The following MYO18B variants were observed in gnomAD, a reference collection of about 807,000 sequenced individuals.
MYO18B encodes unconventional myosin-XVIIIb.
A neutral mutation model predicts 273.0 loss-of-function variants in MYO18B; 204 were observed. The ratio of observed to expected loss-of-function variants is 0.75; its 90% confidence interval spans 0.67 to 0.84. MYO18B has a LOEUF of 0.84. MYO18B is among the 40% of genes least tolerant of loss of function. The pLI is 0.00. For synonymous variants in MYO18B, 1,330 were observed against 1,305.7 expected (o/e 1.02, Z -0.40); for missense variants, 3,212 against 3,287.6 (o/e 0.98, Z 0.56).
intron 42 of MYO18B, among the ~76,000 whole-genome samples, chr22:26,008,635 GAGACGA>G (rs1247751938): frequency 1.3e-5 from 2 of 152,206 alleles, no homozygotes; most frequent in African/African-American, 4.8e-5. Context: ...AGCGCTTCTG[GAGACGA>G]AGACACTAAA....
At chr22:25,950,319 T>C (rs1367441867) in intron 36 of MYO18B, 48 bp from the exon 37 acceptor site, 1 of 1,500,030 alleles carries the variant, frequency 6.7e-7, no homozygotes, top group Non-Finnish European at 9.0e-7. Flanking sequence ...CCAGCAAGGC[T>C]TGTGGACTCA....
chr22:25,747,919 A>G (rs1031624467), intron 1 of MYO18B, among the ~76,000 whole-genome samples: 3 of 152,192 alleles, frequency 2.0e-5, no homozygotes, highest in African/African-American at 7.2e-5. Flanking sequence ...GAGGTTTGAC[A>G]ACAGGCATAG....
chr22:25,836,185 T>C lies in MYO18B; in HGVS notation c.3208+742T>C, dbSNP rs2089894600. On this transcript the variant is annotated intron_variant, in intron 17 of 43. Coordinates refer to ENST00000335473, the MANE Select transcript of MYO18B (RefSeq NM_032608.7). The stretch of plus-strand genomic sequence containing the variant: ...AACAAAGTGATCATGAGATTTGGTA[T>C]CCATGGGCTCCAAGTTGAAGTCCAG... Among the ~76,000 whole-genome samples, 5 of 152,284 alleles carry C rather than the reference T, an allele frequency of 3.3e-5. No individual in the cohort carries two copies. In the South Asian group the frequency reaches 1.0e-3, roughly 32 times the overall value.
chr22:25,846,415 C>T (rs2090248175), intron 19 of MYO18B, 132 bp downstream of exon 19: 2 of 989,846 alleles, frequency 2.0e-6, no homozygotes, highest in Non-Finnish European at 1.5e-6. Flanking sequence ...TCACCCCACG[C>T]TCCACAGAGG....
rs768590809 is a variant in MYO18B, at chr22:26,026,768, G to C, written c.6794G>C (p.Gly2265Ala). ...CTCCGGAGGAAGAGAGCCCAGAGAG[G>C]CCAGGGGTCCACGCTGGGCCTAGAG... ...EGLRRKRAQR[G>A]QGSTLGLEDW... Residue 2265 changes from glycine (G) to alanine (A), a missense_variant, in exon 43 of 44, where the codon GGC (glycine) becomes GCC (alanine). By Grantham distance (60) the Gly-to-Ala change is moderately conservative. Transcript: ENST00000335473. 7 of 1,610,666 alleles carry C rather than the reference G, an allele frequency of 4.3e-6. No homozygotes were observed. In the South Asian group the frequency reaches 6.6e-5, roughly 15 times the overall value.
intron 18 of MYO18B, among the ~76,000 whole-genome samples, chr22:25,845,617 G>T (rs1246135115): frequency 2.0e-5 from 3 of 152,248 alleles, no homozygotes; most frequent in Admixed American, 2.0e-4. Flanking sequence ...GGCACTGTCT[G>T]CTCAGGTATC....
At chr22:25,789,410 C>T (rs948102248) in intron 11 of MYO18B, among the ~76,000 whole-genome samples, 5 of 151,518 alleles carry the variant, frequency 3.3e-5, no homozygotes, top group East Asian at 3.9e-4. Flanking sequence ...CTGAGGCGGG[C>T]GGATCACCTG....
intron 34 of MYO18B, among the ~76,000 whole-genome samples, chr22:25,933,271 G>A (rs1325679422): frequency 1.3e-5 from 2 of 152,168 alleles, no homozygotes; most frequent in Non-Finnish European, 2.9e-5. Context: ...CAAAAGGGAT[G>A]AGCTTGTCAT....
At chr22:25,836,725 C>G (rs1422842828) in intron 17 of MYO18B, among the ~76,000 whole-genome samples, 2 of 151,994 alleles carry the variant, frequency 1.3e-5, no homozygotes, top group East Asian at 3.9e-4. Context: ...CTTTGGGAGG[C>G]CGAGGTGGGT....
intron 34 of MYO18B, among the ~76,000 whole-genome samples, chr22:25,935,457 G>A (rs28707496): frequency 6.6e-6 from 1 of 152,136 alleles, no homozygotes; most frequent in Non-Finnish European, 1.5e-5. Flanking sequence ...TGTCTGCTCT[G>A]GAGGAGAAAT....
intron 10 of MYO18B, 65 bp downstream of exon 10, chr22:25,781,899 G>C (rs1268501288): frequency 1.7e-6 from 2 of 1,166,708 alleles, no homozygotes; most frequent in South Asian, 2.1e-5. Flanking sequence ...GTTCTTTGGG[G>C]GCCCAGCCTT....
At chr22:25,856,506 G>T (rs189465069) in intron 21 of MYO18B, among the ~76,000 whole-genome samples, 157 of 152,326 alleles carry the variant, frequency 1.0e-3, no homozygotes, top group Middle Eastern at 3.4e-3. Flanking sequence ...CTGGCTTTGG[G>T]ACACCCCAGG....
At chr22:25,824,498 G>C (rs1383551007) in intron 13 of MYO18B, among the ~76,000 whole-genome samples, 2 of 152,158 alleles carry the variant, frequency 1.3e-5, no homozygotes, top group Non-Finnish European at 2.9e-5. Flanking sequence ...GTGATCTGCT[G>C]GGTCCCAAGT....
intron 16 of MYO18B, 138 bp from the exon 17 acceptor site, chr22:25,835,158 A>G (rs2089851297): frequency 9.9e-7 from 1 of 1,005,644 alleles, no homozygotes; most frequent in Non-Finnish European, 1.4e-6. Context: ...GATTGGGAGC[A>G]TGGTTTTGGG....
rs1178833773 is a variant in MYO18B, at chr22:25,828,778, C to G, written c.2789C>G (p.Ser930Cys). ...CCACCTCTCTCTTCTCTCCCTAGAT[C>G]CTTTTCCTCCCACCATCTCTCCATG... ...FAAVVSLINRSFSSHHLSMAS... is the reference protein window; with the variant it reads ...FAAVVSLINRCFSSHHLSMAS... Residue 930 changes from serine (S) to cysteine (C), a missense_variant and splice_region_variant, in exon 15 of 44, where the codon TCC becomes TGC. Physicochemically the swap from Ser to Cys is moderately radical, Grantham distance 112. Transcript: ENST00000335473. 6.2e-7 allele frequency: 1 copy of G among 1,613,082 alleles called. No individual in the cohort carries two copies. Among genetic ancestry groups the G allele is most frequent in the South Asian group, 1.1e-5 (1 of 91,048 alleles).
chr22:26,000,973 T>C (rs1023859008), intron 40 of MYO18B, among the ~76,000 whole-genome samples: 2 of 152,222 alleles, frequency 1.3e-5, no homozygotes, highest in African/African-American at 4.8e-5. Flanking sequence ...TCTTTTTTAT[T>C]TGTCCTTGTG....
intron 12 of MYO18B, among the ~76,000 whole-genome samples, chr22:25,818,357 A>T (rs747346380): frequency 2.2e-4 from 33 of 152,182 alleles, no homozygotes; most frequent in Non-Finnish European, 4.6e-4. Flanking sequence ...CTGATGGTCT[A>T]CATGGATGGT....
At chr22:25,785,325 G>T in intron 10 of MYO18B, 103 bp from the exon 11 acceptor site, 2 of 1,089,880 alleles carry the variant, frequency 1.8e-6, no homozygotes, top group South Asian at 2.8e-5. Flanking sequence ...AGCCCCTGGG[G>T]TGTCCGGGCA....
At chr22:25,906,658 G>A (rs2092050569) in intron 31 of MYO18B, among the ~76,000 whole-genome samples, 1 of 152,120 alleles carries the variant, frequency 6.6e-6, no homozygotes, top group Non-Finnish European at 1.5e-5. Context: ...AGAACTGCCT[G>A]AGACTGGGTA....
Sources: gnomAD v4.1 joint callset for allele counts (sites outside exome capture counted in the v4.1 genomes callset) on GRCh38, gnomAD v4.1.1 for gene constraint, MANE v1.5 for transcripts, NCBI Gene and HGNC (gene_info 2026-07-23, HGNC 2026-07-21) for gene names.